FCER1A: variants seen among roughly 807,000 people sequenced by gnomAD.
FCER1A encodes the protein high affinity immunoglobulin epsilon receptor subunit alpha.
A neutral mutation model predicts 23.6 loss-of-function variants in FCER1A; 24 were observed. The ratio of observed to expected loss-of-function variants is 1.02; its 90% CI spans 0.74 to 1.43. FCER1A has a LOEUF of 1.43. Among genes scored for constraint, FCER1A ranks in the 40% most tolerant of loss-of-function variants. The pLI, the probability that FCER1A is intolerant of heterozygous loss-of-function variation, is 0.00. For synonymous variants in FCER1A, 121 were observed against 108.8 expected, an observed-to-expected ratio of 1.11 and a Z score of -0.70; for missense variants, 318 against 294.5, an observed-to-expected ratio of 1.08 and a Z score of -0.58.
At chr1:159,304,467 C>T (rs775773408) in intron 3 of FCER1A, among the ~76,000 whole-genome samples, 5 of 151,942 alleles carry the variant, frequency 3.3e-5, no homozygotes, top group Admixed American at 1.3e-4. Flanking sequence ...ATTAGCCGGG[C>T]GTAGTGGTGG....
chr1:159,299,547 T>C (rs1652375496), upstream of FCER1A, among the ~76,000 whole-genome samples: 1 of 152,190 alleles, frequency 6.6e-6, no homozygotes, highest in South Asian at 2.1e-4. Flanking sequence ...AAATGAAATA[T>C]AGATTAAGGC....
chr1:159,286,191 AAAATAAAT>A (rs541712574), upstream of FCER1A, among the ~76,000 whole-genome samples: 12 of 151,390 alleles, frequency 7.9e-5, no homozygotes, highest in African/African-American at 2.4e-4. Context: ...CCCTGCCACC[AAAATAAAT>A]AAATAAATAA....
At chr1:159,301,857 C>T (rs544892854), upstream of FCER1A, among the ~76,000 whole-genome samples, 1 of 152,322 alleles carries the variant, frequency 6.6e-6, no homozygotes, top group South Asian at 2.1e-4. Flanking sequence ...AAACAAGTTA[C>T]TTAACCTCAC....
At chr1:159,302,599 A>C (rs1255427022) in intron 1 of FCER1A, among the ~76,000 whole-genome samples, 180 bp downstream of exon 1, 2 of 152,106 alleles carry the variant, frequency 1.3e-5, no homozygotes, top group African/African-American at 4.8e-5. Flanking sequence ...GCTGAGCAAC[A>C]CCTAAGGAGG....
At chr1:159,300,069 G>T (rs1652392794), upstream of FCER1A, among the ~76,000 whole-genome samples, 1 of 152,070 alleles carries the variant, frequency 6.6e-6, no homozygotes, top group Non-Finnish European at 1.5e-5. Flanking sequence ...TGCTGTTACT[G>T]CTACCAAAGC....
chr1:159,297,815 G>C (rs1652333958), upstream of FCER1A, among the ~76,000 whole-genome samples: 1 of 152,052 alleles, frequency 6.6e-6, no homozygotes, highest in African/African-American at 2.4e-5. Context: ...TGAGGTGGGA[G>C]GGATCACTTG....
At chr1:159,291,482 C>T (rs957947197) in intron 1 of FCER1A, among the ~76,000 whole-genome samples, 1 of 152,008 alleles carries the variant, frequency 6.6e-6, no homozygotes, top group Non-Finnish European at 1.5e-5. Flanking sequence ...GAATGCAAAA[C>T]AATTTAAAAA....
At chr1:159,301,792 G>T (rs900425253), upstream of FCER1A, among the ~76,000 whole-genome samples, 2 of 152,124 alleles carry the variant, frequency 1.3e-5, no homozygotes, top group African/African-American at 4.8e-5. Flanking sequence ...TTGACTTAGG[G>T]GTTAGATTTT....
In FCER1A at chr1:159,291,428, C is replaced by CT. The variant is rs1652150569; in HGVS notation, c.-60+1682dup. On this transcript the variant is annotated intron_variant, in intron 1 of 5. Transcript: ENST00000368115. ...GTAGGTTTTCATGATCTGTAACAGTCTTTTTTTCCTCTCAAAGACTTGTTA... is the reference window on the plus strand; with the variant it reads ...GTAGGTTTTCATGATCTGTAACAGTCTTTTTTTTCCTCTCAAAGACTTGTTA... 3.3e-5 allele frequency among the ~76,000 whole-genome samples: 5 copies of CT among 152,186 alleles called. No individual in the cohort carries two copies. The South Asian group carries it at 1.0e-3, about 32-fold the overall frequency.
At chr1:159,291,531 G>A (rs2102216161) in intron 1 of FCER1A, among the ~76,000 whole-genome samples, 1 of 152,252 alleles carries the variant, frequency 6.6e-6, no homozygotes, top group Middle Eastern at 3.4e-3. Flanking sequence ...AAACACCTGT[G>A]TTATGTTCAA....
rs540454435 is a variant in FCER1A at position 159,293,768 on chromosome 1, C to T, written c.-60+4015C>T. ...ATAGTATTCCATGGTGTATATGTGC[C>T]ACATTTTCTTAATCCAGTCTATCAC... On this transcript the variant is annotated intron_variant, in intron 1 of 5. Transcript: ENST00000368115. Among the ~76,000 whole-genome samples the T allele has an allele frequency of 3.9e-5, 6 of 151,968 alleles. No homozygotes were observed. In the South Asian group the frequency reaches 1.2e-3, roughly 32 times the overall value.
rs529729180 is a variant in FCER1A, at chr1:159,292,317, C to T, written c.-60+2564C>T. On this transcript the variant is annotated intron_variant, in intron 1 of 5. Transcript: ENST00000368115. ...GCTTCAAACTAAAACACTTCCCAAC[C>T]GGAACACTTGGTTGATTTCTCCCCC... is the stretch of plus-strand genomic sequence containing the variant. Among the ~76,000 whole-genome samples the T allele has an allele frequency of 3.9e-5, 6 of 152,196 alleles. 1 individual carries two copies. The highest frequency in any genetic ancestry group is 7.2e-5 in the African/African-American group (3 of 41,540).
intron 3 of FCER1A, 118 bp downstream of exon 3, chr1:159,304,300 A>G: frequency 1.0e-6 from 1 of 968,142 alleles, no homozygotes; most frequent in Non-Finnish European, 1.5e-6. Context: ...AAGGCCTCTC[A>G]TTTTTAAGAC....
chr1:159,284,706 T>C, the FCER1A span, among the ~76,000 whole-genome samples: 1 of 152,350 alleles, frequency 6.6e-6, no homozygotes, highest in South Asian at 2.1e-4. Context: ...TGTGCACCTG[T>C]CTATATACAC....
At chr1:159,284,451 T>A in the FCER1A span, among the ~76,000 whole-genome samples, 8 of 152,248 alleles carry the variant, frequency 5.3e-5, no homozygotes, top group Non-Finnish European at 1.2e-4. Context: ...GTGAGATGTT[T>A]GAGTAACATT....
At chr1:159,305,075 A>G (rs1652557694) in intron 3 of FCER1A, among the ~76,000 whole-genome samples, 2 of 152,240 alleles carry the variant, frequency 1.3e-5, no homozygotes, top group African/African-American at 4.8e-5. Context: ...ATGATTTTGA[A>G]TAGTGACCAA....
At chr1:159,287,932 C>T (rs1197239817), upstream of FCER1A, among the ~76,000 whole-genome samples, 1 of 151,918 alleles carries the variant, frequency 6.6e-6, no homozygotes, top group Non-Finnish European at 1.5e-5. Context: ...TAAGCATGCT[C>T]TCTGCTGTGC....
intron 2 of FCER1A, among the ~76,000 whole-genome samples, chr1:159,303,457 G>T (rs1337495570): frequency 6.6e-6 from 1 of 152,080 alleles, no homozygotes; most frequent in Non-Finnish European, 1.5e-5. Context: ...CAATTAAATA[G>T]TCATAAATAT....
upstream of FCER1A, among the ~76,000 whole-genome samples, chr1:159,284,936 A>C (rs1205592692): frequency 1.3e-5 from 2 of 152,210 alleles, no homozygotes; most frequent in Non-Finnish European, 2.9e-5. Flanking sequence ...CTTTATAATA[A>C]TATGGTTTGT....
Sources: gnomAD v4.1 joint callset for allele counts (sites outside exome capture counted in the v4.1 genomes callset) on GRCh38, gnomAD v4.1.1 for gene constraint, MANE v1.5 for transcripts, NCBI Gene and HGNC (gene_info 2026-07-23, HGNC 2026-07-21) for gene names.